PRKN: variants seen among roughly 807,000 people sequenced by gnomAD.
The protein encoded by PRKN is parkin RBR E3 ubiquitin protein ligase, also known as E3 ubiquitin-protein ligase parkin.
Under a neutral mutation model 59.5 loss-of-function variants are expected in PRKN, and 56 were observed. The observed-to-expected ratio is 0.94, with a 90% CI of 0.76 to 1.18. PRKN has a LOEUF of 1.18. Ranked by LOEUF, PRKN falls within the 50% of genes most tolerant of loss-of-function variation. PRKN has a pLI of 0.00. For synonymous variants in PRKN, 250 were observed against 222.1 expected (o/e 1.13, Z -1.12); for missense variants, 657 against 596.4 (o/e 1.10, Z -1.06).
At chr6:161,435,388 G>A (rs1021330929) in intron 9 of PRKN, among the ~76,000 whole-genome samples, 5 of 152,090 alleles carry the variant, frequency 3.3e-5, no homozygotes, top group South Asian at 4.1e-4. Context: ...CAAAGGGATC[G>A]TGTGAAGGTA....
chr6:162,162,149 G>C (rs1409152888), intron 4 of PRKN, among the ~76,000 whole-genome samples: 4 of 152,064 alleles, frequency 2.6e-5, no homozygotes, highest in Non-Finnish European at 4.4e-5. Flanking sequence ...GTGGTGCAAT[G>C]TTAGCTCACA....
At position 161,410,633 on chromosome 6, in the gene PRKN, C is replaced by A. The variant is rs151061434; in HGVS notation, c.1084-23756G>T. 0.016 allele frequency among the ~76,000 whole-genome samples: 2,399 copies of A among 152,090 alleles called. 41 individuals are homozygous for A. Among genetic ancestry groups the A allele is most frequent in the South Asian group, 0.033 (157 of 4,818 alleles). On this transcript the variant is annotated intron_variant, in intron 9 of 11. Coordinates refer to ENST00000366898, the MANE Select transcript of PRKN (RefSeq NM_004562.3). The surrounding 1 kb of genome is among the most constrained non-coding windows in gnomAD (Gnocchi z 5.3). ...ATTCTGGTGCTCATCGTGGGCCATG[C>A]GTTGGTTACAAGGAAGCAGATGGAG...
At chr6:161,978,112 C>T (rs761093642) in intron 5 of PRKN, among the ~76,000 whole-genome samples, 29 of 151,624 alleles carry the variant, frequency 1.9e-4, no homozygotes, top group Non-Finnish European at 3.7e-4. Flanking sequence ...TGCAATGGTG[C>T]GATCTTGGCT....
At chr6:161,358,630 C>T (rs1784856159) in intron 11 of PRKN, among the ~76,000 whole-genome samples, 1 of 151,752 alleles carries the variant, frequency 6.6e-6, no homozygotes. Flanking sequence ...TGCTTTACAC[C>T]CTTGTCAGCG....
Position 161,401,645 on chromosome 6 carries a change from C to T in PRKN, c.1084-14768G>A, listed in dbSNP as rs967243041. On this transcript the variant is annotated intron_variant, in intron 9 of 11. Coordinates refer to ENST00000366898, the MANE Select transcript of PRKN (RefSeq NM_004562.3). The surrounding 1 kb of genome is among the most constrained non-coding windows in gnomAD (Gnocchi z 4.4). ...CCACCAAAAAAAAAAAATTAGAGTA[C>T]TGATCTGGATTTCACCCTTGAAGTT... 5.3e-5 allele frequency among the ~76,000 whole-genome samples: 8 copies of T among 151,942 alleles called. No individual in the cohort carries two copies. Among genetic ancestry groups the T allele is most frequent in the African/African-American group, 1.5e-4 (6 of 41,366 alleles).
At chr6:162,313,155 G>C (rs1782600438) in intron 2 of PRKN, among the ~76,000 whole-genome samples, 1 of 152,064 alleles carries the variant, frequency 6.6e-6, no homozygotes, top group Non-Finnish European at 1.5e-5. Context: ...CCATCTCTAA[G>C]TGTACAGTTC....
intron 1 of PRKN, among the ~76,000 whole-genome samples, chr6:162,533,441 T>C (rs575240450): frequency 6.6e-6 from 1 of 152,098 alleles, no homozygotes; most frequent in Non-Finnish European, 1.5e-5. Flanking sequence ...GACAGGAGAA[T>C]TGTTTGAACC....
intron 9 of PRKN, among the ~76,000 whole-genome samples, chr6:161,508,523 T>C (rs535709182): frequency 6.6e-6 from 1 of 152,324 alleles, no homozygotes; most frequent in African/African-American, 2.4e-5. Context: ...TGCCATATTG[T>C]AAGATCATTT....
chr6:162,087,794 A>C (rs113727107), intron 4 of PRKN, among the ~76,000 whole-genome samples: 6,990 of 151,952 alleles, frequency 0.046, 243 homozygotes, highest in Middle Eastern at 0.092. Flanking sequence ...GGGTTTCACC[A>C]TGTTGGTCAG....
chr6:161,689,251 C>T (rs949814971), intron 7 of PRKN, among the ~76,000 whole-genome samples: 2 of 151,432 alleles, frequency 1.3e-5, no homozygotes, highest in African/African-American at 2.4e-5. Context: ...ACCCAGATCC[C>T]GGTTCCCTCA....
chr6:162,212,948 A>G (rs1777451726), intron 3 of PRKN, among the ~76,000 whole-genome samples: 1 of 152,224 alleles, frequency 6.6e-6, no homozygotes. Flanking sequence ...TGGGTGATAG[A>G]AACTTTTTAG....
intron 1 of PRKN, among the ~76,000 whole-genome samples, chr6:162,493,337 TAGAGGCAA>T (rs1792907097): frequency 6.6e-6 from 1 of 152,240 alleles, no homozygotes; most frequent in South Asian, 2.1e-4. Flanking sequence ...GCTGGGTTTG[TAGAGGCAA>T]AGAGGGATAT....
intron 2 of PRKN, among the ~76,000 whole-genome samples, chr6:162,307,994 G>A (rs1370505561): frequency 1.3e-5 from 2 of 152,182 alleles, no homozygotes; most frequent in African/African-American, 2.4e-5. Context: ...AAGGATTAAA[G>A]GCTCTTTGCA....
intron 1 of PRKN, among the ~76,000 whole-genome samples, chr6:162,624,859 G>C (rs1782821459): frequency 6.6e-6 from 1 of 152,182 alleles, no homozygotes; most frequent in African/African-American, 2.4e-5. Flanking sequence ...CAGGGATGTG[G>C]TAACAAGAGG....
chr6:162,357,119 T>C (rs1042880150), intron 2 of PRKN, among the ~76,000 whole-genome samples: 4 of 152,086 alleles, frequency 2.6e-5, no homozygotes, highest in African/African-American at 9.7e-5. Flanking sequence ...AAATAATTGA[T>C]AGGCAGGGCT....
At chr6:162,577,237 GATCA>G (rs1780594937) in intron 1 of PRKN, among the ~76,000 whole-genome samples, 1 of 147,192 alleles carries the variant, frequency 6.8e-6, no homozygotes, top group Admixed American at 6.8e-5. Context: ...AAAAAAAGAT[GATCA>G]ATAATAGGAA....
chr6:162,710,378 C>CAA (rs1040341687), intron 1 of PRKN, among the ~76,000 whole-genome samples: 12 of 144,922 alleles, frequency 8.3e-5, no homozygotes, highest in Middle Eastern at 3.7e-3. Context: ...CCTACAAACA[C>CAA]ACACACACAC....
At chr6:162,219,944 A>G (rs1018695082) in intron 3 of PRKN, among the ~76,000 whole-genome samples, 31 of 152,178 alleles carry the variant, frequency 2.0e-4, no homozygotes, top group Non-Finnish European at 7.3e-5. Flanking sequence ...ACACCTTTAT[A>G]TAACATGGTG....
rs1432564578 is a variant in PRKN, at chr6:161,413,918, G to A, written c.1084-27041C>T. Among the ~76,000 whole-genome samples the A allele has an allele frequency of 6.6e-6, 1 of 152,132 alleles. No homozygotes were observed. Among genetic ancestry groups the A allele is most frequent in the Admixed American group, 6.5e-5 (1 of 15,272 alleles). On this transcript the variant is annotated intron_variant, in intron 9 of 11. Transcript: ENST00000366898. The surrounding 1 kb of genome is among the most constrained non-coding windows in gnomAD (Gnocchi z 4.4). ...TGTTCCTTTCTCTTTCCTGCCTTCTGAAGAGGAGACTGTGGAAAGGGAAGC... is the reference window on the plus strand; with the variant it reads ...TGTTCCTTTCTCTTTCCTGCCTTCTAAAGAGGAGACTGTGGAAAGGGAAGC...
Sources: gnomAD v4.1 joint callset for allele counts (sites outside exome capture counted in the v4.1 genomes callset) on GRCh38, gnomAD v4.1.1 for gene constraint, Gnocchi (gnomAD v3.1) non-coding constraint, MANE v1.5 for transcripts, NCBI Gene and HGNC (gene_info 2026-07-23, HGNC 2026-07-21) for gene names.